Variants in DNAAF4 observed in about 807,000 individuals in gnomAD.
The protein encoded by DNAAF4 is dynein axonemal assembly factor 4, also known as dynein assembly factor 4, axonemal.
Under a neutral mutation model 51.8 loss-of-function variants are expected in DNAAF4, and 43 were observed. The ratio of observed to expected loss-of-function variants is 0.83; its 90% confidence interval spans 0.65 to 1.07. DNAAF4 has a LOEUF of 1.07. Among genes scored for constraint, DNAAF4 ranks in the 50% least tolerant of loss-of-function variants. The probability of loss-of-function intolerance (pLI) is 0.00; values close to 1 mark genes in which losing one functional copy is unlikely to be tolerated. For missense variants in DNAAF4, 581 were observed against 493.0 expected (o/e 1.18, Z -1.69); for synonymous variants, 194 against 165.6 (o/e 1.17, Z -1.32).
At chr15:55,491,741 A>ATTATATTATAATAGTATATAATATAATAT in intron 3 of DNAAF4, among the ~76,000 whole-genome samples, 1 of 134,434 alleles carries the variant, frequency 7.4e-6, no homozygotes, top group African/African-American at 3.1e-5. Context: ...TATAATATAT[A>ATTATATTATAATAGTATATAATATAATAT]ATATTATATT....
At chr15:55,435,093 A>T (rs1265558556) in intron 7 of DNAAF4, 35 bp from the exon 8 acceptor site, 1 of 1,554,646 alleles carries the variant, frequency 6.4e-7, no homozygotes, top group Non-Finnish European at 8.7e-7. Context: ...AAAACAATTT[A>T]ACATTGAAAC....
intron 4 of DNAAF4, among the ~76,000 whole-genome samples, chr15:55,467,908 G>A (rs2058192917): frequency 7.3e-6 from 1 of 137,384 alleles, no homozygotes; most frequent in Non-Finnish European, 1.7e-5. Context: ...TTGTGAAACA[G>A]AGTACCTAGT....
chr15:55,501,974 C>T (rs764528032), intron 1 of DNAAF4, among the ~76,000 whole-genome samples: 9 of 150,744 alleles, frequency 6.0e-5, no homozygotes, highest in Non-Finnish European at 8.8e-5. Flanking sequence ...ACCTGGGAGG[C>T]GGAAGTTGCA....
chr15:55,436,005 C>G (rs2057602635), intron 7 of DNAAF4, among the ~76,000 whole-genome samples: 1 of 152,144 alleles, frequency 6.6e-6, no homozygotes, highest in African/African-American at 2.4e-5. Flanking sequence ...TCAGACTGGT[C>G]TCGAACTCCC....
At chr15:55,457,329 C>T (rs561830335) in intron 5 of DNAAF4, among the ~76,000 whole-genome samples, 1 of 152,070 alleles carries the variant, frequency 6.6e-6, no homozygotes, top group African/African-American at 2.4e-5. Context: ...CAGAGGCAGC[C>T]ATAATGCCCC....
chr15:55,441,333 G>A (rs981475857), intron 6 of DNAAF4, among the ~76,000 whole-genome samples: 8 of 151,624 alleles, frequency 5.3e-5, no homozygotes, highest in Non-Finnish European at 1.2e-4. Context: ...GCCTCCCAAA[G>A]TGCTGGGATT....
At chr15:55,457,606 C>T (rs1278187331) in intron 5 of DNAAF4, among the ~76,000 whole-genome samples, 1 of 152,192 alleles carries the variant, frequency 6.6e-6, no homozygotes, top group African/African-American at 2.4e-5. Context: ...CCAACGAACT[C>T]AAGCCACCAT....
chr15:55,421,644 C>T (rs750435301), intron 7 of DNAAF4, among the ~76,000 whole-genome samples: 3 of 151,794 alleles, frequency 2.0e-5, no homozygotes. Flanking sequence ...CCCAGTACTT[C>T]GGGAGGCTGA....
intron 4 of DNAAF4, among the ~76,000 whole-genome samples, chr15:55,487,520 G>C (rs534197823): frequency 6.6e-6 from 1 of 152,282 alleles, no homozygotes; most frequent in South Asian, 2.1e-4. Context: ...TGCTGTGGAA[G>C]CTTTGTTCTT....
chr15:55,492,211 G>C (rs919415167), intron 3 of DNAAF4, among the ~76,000 whole-genome samples: 3 of 90,600 alleles, frequency 3.3e-5, no homozygotes, highest in African/African-American at 1.3e-4. Flanking sequence ...TGAAGACTAC[G>C]ATCAATGGGT....
intron 6 of DNAAF4, among the ~76,000 whole-genome samples, chr15:55,447,544 C>T (rs930848149): frequency 1.3e-5 from 2 of 151,530 alleles, no homozygotes; most frequent in African/African-American, 4.9e-5. Context: ...GAGGCCGAGG[C>T]GGGCAGATCA....
At chr15:55,503,661 C>T (rs1159684040) in intron 1 of DNAAF4, among the ~76,000 whole-genome samples, 1 of 152,036 alleles carries the variant, frequency 6.6e-6, no homozygotes, top group Non-Finnish European at 1.5e-5. Flanking sequence ...TAAACAGAAC[C>T]AAAGACAAAA....
intron 5 of DNAAF4, among the ~76,000 whole-genome samples, chr15:55,452,244 T>TAAA (rs57692277): frequency 1.1e-3 from 61 of 53,598 alleles, no homozygotes; most frequent in Middle Eastern, 0.028. Flanking sequence ...CATGTCTCAC[T>TAAA]AAAAAAAAAA....
intron 4 of DNAAF4, among the ~76,000 whole-genome samples, chr15:55,468,660 G>C (rs2058204439): frequency 6.6e-6 from 1 of 152,156 alleles, no homozygotes; most frequent in African/African-American, 2.4e-5. Flanking sequence ...GGGAGAATAT[G>C]TGGAGAGTCA....
At chr15:55,475,130 T>C (rs922981838) in intron 4 of DNAAF4, among the ~76,000 whole-genome samples, 1 of 152,230 alleles carries the variant, frequency 6.6e-6, no homozygotes, top group Non-Finnish European at 1.5e-5. Flanking sequence ...GTTGATGCGC[T>C]GCAAATTTAC....
chr15:55,446,303 G>GT lies in DNAAF4; in HGVS notation c.783+3918_783+3919insA, dbSNP rs911502303. ...CGCTCCTCACATCCCAGACGGGGGG[G>GT]GGGGGCAGCTGGGCAGAGGCACTCC... is the stretch of plus-strand genomic sequence containing the variant. On this transcript the variant is annotated intron_variant, in intron 6 of 9. Coordinates refer to ENST00000321149, the MANE Select transcript of DNAAF4 (RefSeq NM_130810.4). 4.6e-5 allele frequency among the ~76,000 whole-genome samples: 5 copies of GT among 109,028 alleles called. 2 individuals carry two copies. Among genetic ancestry groups the GT allele is most frequent in the Middle Eastern group, 0.012 (2 of 162 alleles). 71.5% of individuals were successfully genotyped at this position (109,028 alleles called of 152,430 possible). A position where few individuals can be genotyped will look rare whatever the true frequency, so the allele number is the denominator to read the frequency against.
rs1274775330 is a variant in DNAAF4 at position 55,460,305 on chromosome 15, G to A, written c.637+6625C>T. Among the ~76,000 whole-genome samples the A allele has an allele frequency of 6.6e-5, 10 of 151,150 alleles. No homozygotes were observed. In the East Asian group the frequency reaches 2.0e-3, roughly 30 times the overall value. On this transcript the variant is annotated intron_variant, in intron 5 of 9. Coordinates refer to ENST00000321149, the MANE Select transcript of DNAAF4 (RefSeq NM_130810.4). ...TGCAATTCTCCTGCCTCAGCCTCCTGAGTAGCTGGGATTACAGGTGCGTGC... is the reference window on the plus strand; with the variant it reads ...TGCAATTCTCCTGCCTCAGCCTCCTAAGTAGCTGGGATTACAGGTGCGTGC...
rs936478372 is a variant in DNAAF4 at position 55,498,468 on chromosome 15, C to T, written c.-139G>A. 12 of 1,339,578 alleles carry T rather than the reference C, an allele frequency of 9.0e-6. No individual in the cohort carries two copies. Among genetic ancestry groups the T allele is most frequent in the African/African-American group, 1.5e-5 (1 of 66,976 alleles). The allele number at this position is 1,339,578 out of a possible 1,614,324, so 83.0% of individuals were successfully genotyped here. A position where few individuals can be genotyped will look rare whatever the true frequency, so the allele number is the denominator to read the frequency against. Reference sequence around the variant, plus strand: ...CCGGCGTTCCCAGCGTGCTCCGGCGCCAGCACCTCGCGGACTCCATGCGTG... The same window carrying T: ...CCGGCGTTCCCAGCGTGCTCCGGCGTCAGCACCTCGCGGACTCCATGCGTG... On this transcript the variant is annotated 5_prime_UTR_variant, in exon 2 of 10. An upstream open reading frame in the 5' UTR gains an earlier in-frame stop. Coordinates refer to ENST00000321149, the MANE Select transcript of DNAAF4 (RefSeq NM_130810.4).
At position 55,497,712 on chromosome 15, in the gene DNAAF4, C is replaced by T. The variant is rs17819126; in HGVS notation, c.271G>A (p.Val91Ile). The T allele has an allele frequency of 0.061, 96,973 of 1,599,962 alleles. 3,360 individuals carry two copies. The highest frequency in any genetic ancestry group is 0.069 in the Non-Finnish European group (81,423 of 1,175,422). The change falls in exon 3 of 10, where the codon GTT (valine) becomes ATT (isoleucine). Residue 91 changes from valine (V) to isoleucine (I), a missense_variant and splice_region_variant. Transcript: ENST00000321149. ...GAACATCTTTTAATAAAGAACTTAC[C>T]ACCCGTCACAGAAAGGGTCTCCCAC... Reference protein sequence around the residue: ...AMWETLSVTGVDKEMMQRIRE... With the variant: ...AMWETLSVTGIDKEMMQRIRE...
Sources: allele counts gnomAD v4.1 joint callset (sites outside exome capture counted in the v4.1 genomes callset), GRCh38; gene constraint gnomAD v4.1.1; transcripts MANE v1.5; gene names NCBI Gene and HGNC (gene_info 2026-07-23, HGNC 2026-07-21).